The following MYO7A variants were observed in gnomAD, a reference collection of about 807,000 sequenced individuals.
The protein encoded by MYO7A is myosin VIIA, also known as unconventional myosin-VIIa.
Under a neutral mutation model 263.8 loss-of-function variants are expected in MYO7A, and 210 were observed. That is an observed-to-expected ratio of 0.80 (90% CI 0.71 to 0.89). MYO7A has a LOEUF of 0.89. Ranked by LOEUF, MYO7A falls within the 40% of genes least tolerant of loss-of-function variation. MYO7A has a pLI of 0.00. For synonymous variants in MYO7A, 1,239 were observed against 1,197.3 expected (o/e 1.03, Z -0.72); for missense variants, 2,820 against 2,968.3 (o/e 0.95, Z 1.16).
intron 39 of MYO7A, 80 bp from the exon 40 acceptor site, chr11:77,205,382 G>A: frequency 2.1e-6 from 3 of 1,461,818 alleles, no homozygotes; most frequent in East Asian, 2.5e-5. Context: ...GGGGTACATG[G>A]CCCCCTCACC....
chr11:77,156,865 T>G lies in MYO7A; in HGVS notation c.596T>G (p.Phe199Cys). The G allele has an allele frequency of 6.2e-7, 1 of 1,613,952 alleles. No individual in the cohort carries two copies. The highest frequency in any genetic ancestry group is 8.5e-7 in the Non-Finnish European group (1 of 1,179,888). Residue 199 changes from phenylalanine (F) to cysteine (C), a missense_variant, in exon 7 of 49, where the codon TTT (phenylalanine) becomes TGT (cysteine). Transcript: ENST00000409709. ...TGACACCCTACTCACTCCGCAGCATTTGGGAATGCCAAGACCATCCGCAAT... is the reference window on the plus strand; with the variant it reads ...TGACACCCTACTCACTCCGCAGCATGTGGGAATGCCAAGACCATCCGCAAT... Reference protein sequence around the residue: ...VLEATPILEAFGNAKTIRNDN... With the variant: ...VLEATPILEACGNAKTIRNDN...
rs1264969631 is a variant in MYO7A at position 77,168,479 on chromosome 11, T to C, written c.1797+2317T>C. Among the ~76,000 whole-genome samples the C allele has an allele frequency of 3.3e-5, 5 of 152,196 alleles. No individual in the cohort carries two copies. In the South Asian group the frequency reaches 6.2e-4, roughly 19 times the overall value. ...CTGCAACCTGGCGAGTAATTACTAT[T>C]ACTCCCACTTTACAGGTGAAGAACT... On this transcript the variant is annotated intron_variant, in intron 15 of 48. Transcript: ENST00000409709.
In MYO7A at chr11:77,181,374, G is replaced by A. The variant is rs1591377741; in HGVS notation, c.2695-6G>A. The A allele has an allele frequency of 1.3e-6, 2 of 1,553,932 alleles. No homozygotes were observed. The highest frequency in any genetic ancestry group is 4.8e-5 in the East Asian group (2 of 41,508). On this transcript the variant is annotated splice_region_variant and splice_polypyrimidine_tract_variant and intron_variant, in intron 22 of 48. Transcript: ENST00000409709. ...CCGTGTCTTCTGTGTCACCCCAATT[G>A]CCCAGGAGCGCCTGGCCCAGCTGGC...
At position 77,162,320 on chromosome 11, in the gene MYO7A, A is replaced by T; in HGVS notation, c.1544A>T (p.Lys515Met). 1.0e-5 allele frequency: 16 copies of T among 1,551,650 alleles called. No individual in the cohort carries two copies. The highest frequency in any genetic ancestry group is 1.4e-5 in the Non-Finnish European group (16 of 1,147,046). ...NIISLIDEES[K>M]FPKGTDTTML... ...ATCTCCCTCATCGATGAGGAGAGCA[A>T]GTTCCCCAAGGTGGGCCGGTCCTGC... Residue 515 changes from lysine to methionine, a missense_variant, in exon 13 of 49, where the codon AAG becomes ATG. Coordinates refer to ENST00000409709, the MANE Select transcript of MYO7A (RefSeq NM_000260.4).
chr11:77,198,440 AG>A (rs753969922), intron 33 of MYO7A, 54 bp from the exon 34 acceptor site: 82 of 1,594,156 alleles, frequency 5.1e-5, no homozygotes, highest in Non-Finnish European at 6.8e-5. Context: ...GAGATTGAGA[AG>A]GGCTGGGCCT....
chr11:77,151,477 C>G (rs1378480605), intron 4 of MYO7A, among the ~76,000 whole-genome samples: 1 of 152,132 alleles, frequency 6.6e-6, no homozygotes, highest in East Asian at 1.9e-4. Flanking sequence ...CCAGAGCCGA[C>G]AGGCCTGGGC....
At position 77,148,443 on chromosome 11, in the gene MYO7A, G is replaced by GAA. The variant is rs1951736664; in HGVS notation, c.285+495_285+496dup. On this transcript the variant is annotated intron_variant, in intron 4 of 48. Coordinates refer to ENST00000409709, the MANE Select transcript of MYO7A (RefSeq NM_000260.4). ...CTCCACCCCTCAAACCTTGATATTAGAAACACACACACACACCACTCTCCT... is the reference window on the plus strand; with the variant it reads ...CTCCACCCCTCAAACCTTGATATTAGAAAAACACACACACACACCACTCTCCT... 2.0e-5 allele frequency among the ~76,000 whole-genome samples: 3 copies of GAA among 152,244 alleles called. No homozygotes were observed. In the South Asian group the frequency reaches 6.2e-4, roughly 32 times the overall value.
chr11:77,134,592 T>C (rs192046561), intron 2 of MYO7A, among the ~76,000 whole-genome samples: 44 of 152,192 alleles, frequency 2.9e-4, no homozygotes, highest in African/African-American at 1.0e-3. Flanking sequence ...CTCAGCCTCC[T>C]AAGTGGCTGG....
intron 16 of MYO7A, 47 bp downstream of exon 16, chr11:77,172,932 TGGA>T: frequency 6.6e-7 from 1 of 1,523,408 alleles, no homozygotes; most frequent in South Asian, 1.2e-5. Context: ...TAGGGTGACG[TGGA>T]GGAGCTAGGT....
chr11:77,152,404 G>C (rs952159798), intron 4 of MYO7A, among the ~76,000 whole-genome samples: 41 of 152,156 alleles, frequency 2.7e-4, no homozygotes, highest in Non-Finnish European at 1.0e-4. Context: ...AAGGCTTCCT[G>C]TTGTGGCCTT....
intron 18 of MYO7A, among the ~76,000 whole-genome samples, chr11:77,176,433 G>A (rs556014088): frequency 2.0e-5 from 3 of 152,212 alleles, no homozygotes; most frequent in Non-Finnish European, 4.4e-5. Flanking sequence ...TGTGGAGAAG[G>A]AAATATTATA....
intron 17 of MYO7A, 29 bp from the exon 18 acceptor site, chr11:77,175,343 T>G: frequency 6.2e-7 from 1 of 1,606,656 alleles, no homozygotes; most frequent in Non-Finnish European, 8.5e-7. Context: ...AGGCTGTCCA[T>G]TCCCTTGTGT....
intron 2 of MYO7A, among the ~76,000 whole-genome samples, chr11:77,132,924 G>A (rs1479018110): frequency 1.3e-5 from 2 of 152,228 alleles, no homozygotes; most frequent in African/African-American, 4.8e-5. Context: ...CTGCAGAGCG[G>A]GTCGGCTCCC....
chr11:77,211,039 C>A, intron 44 of MYO7A, 113 bp from the exon 45 acceptor site: 2 of 980,904 alleles, frequency 2.0e-6, no homozygotes, highest in Non-Finnish European at 3.0e-6. Context: ...GGTGGGTGGG[C>A]CCATGTGCGG....
chr11:77,194,455 C>T lies in MYO7A; in HGVS notation c.4254C>T (p.Pro1418=), dbSNP rs548434591. Residue 1418 remains proline, a synonymous_variant, in exon 32 of 49, where the codon CCC becomes CCT. Coordinates refer to ENST00000409709, the MANE Select transcript of MYO7A (RefSeq NM_000260.4). The part of the protein sequence containing the change: ...RLLNLVPTYI[P]DREITPLKTL... ...TGAACCTCGTGCCCACCTACATCCCCGACCGCGAGATCACGCCCCTGAAGA... is the reference window on the plus strand; with the variant it reads ...TGAACCTCGTGCCCACCTACATCCCTGACCGCGAGATCACGCCCCTGAAGA... 99 of 1,610,654 alleles carry T rather than the reference C, an allele frequency of 6.1e-5. 2 individuals are homozygous for T. The highest frequency in any genetic ancestry group is 3.3e-4 in the Middle Eastern group (2 of 6,050).
At chr11:77,135,849 C>A (rs1191640286) in intron 2 of MYO7A, among the ~76,000 whole-genome samples, 1 of 152,122 alleles carries the variant, frequency 6.6e-6, no homozygotes, top group African/African-American at 2.4e-5. Context: ...TGTTGAGCAT[C>A]TTTTCATGTG....
In MYO7A at chr11:77,192,291, G is replaced by A; in HGVS notation, c.4152+13G>A. 1 of 1,611,138 alleles carries A rather than the reference G, an allele frequency of 6.2e-7. No individual in the cohort carries two copies. Among genetic ancestry groups the A allele is most frequent in the Non-Finnish European group, 8.5e-7 (1 of 1,177,316 alleles). On this transcript the variant is annotated intron_variant, in intron 31 of 48. Transcript: ENST00000409709. ...CAGGTGTGAGAAGGTGAGTGGGAGG[G>A]AATCTTCCGCCAGGCTGGCTTGGCT...
intron 8 of MYO7A, among the ~76,000 whole-genome samples, chr11:77,157,802 A>G (rs1214194721): frequency 2.6e-5 from 4 of 152,140 alleles, no homozygotes; most frequent in Non-Finnish European, 4.4e-5. Flanking sequence ...ACACACGTGC[A>G]CACACACACA....
chr11:77,185,486 C>T (rs1955586594), intron 27 of MYO7A, among the ~76,000 whole-genome samples: 1 of 152,240 alleles, frequency 6.6e-6, no homozygotes, highest in Non-Finnish European at 1.5e-5. Context: ...TAAGAGGCAA[C>T]TCCTCATCCA....
Sources: gnomAD v4.1 joint callset for allele counts (sites outside exome capture counted in the v4.1 genomes callset) on GRCh38, gnomAD v4.1.1 for gene constraint, MANE v1.5 for transcripts, NCBI Gene and HGNC (gene_info 2026-07-23, HGNC 2026-07-21) for gene names.